The following DRC2 variants were observed in gnomAD, a reference collection of about 807,000 sequenced individuals.
DRC2 encodes coiled-coil domain containing 65.
At chr12:48,910,754 T>C in the DRC2 span, among the ~76,000 whole-genome samples, 1 of 152,214 alleles carries the variant, frequency 6.6e-6, no homozygotes, top group African/African-American at 2.4e-5. Context: ...CTTAATAATA[T>C]ATCTTGGAGG....
At chr12:48,917,179 A>G in the DRC2 span, 1 of 1,566,858 alleles carries the variant, frequency 6.4e-7, no homozygotes, top group African/African-American at 1.4e-5. Context: ...GGCTGGGCAC[A>G]GTGGCTCACA....
chr12:48,908,604 A>G, the DRC2 span, among the ~76,000 whole-genome samples: 1 of 110,966 alleles, frequency 9.0e-6, no homozygotes, highest in Admixed American at 8.3e-5. Flanking sequence ...TATTATTATT[A>G]TTATTTATTT....
chr12:48,906,845 C>T, the DRC2 span, among the ~76,000 whole-genome samples: 4 of 151,702 alleles, frequency 2.6e-5, no homozygotes, highest in African/African-American at 9.7e-5. Flanking sequence ...GGATTACAGA[C>T]GTTAGCCACC....
chr12:48,918,300 G>A, the DRC2 span: 2 of 1,614,156 alleles, frequency 1.2e-6, no homozygotes, highest in Non-Finnish European at 1.7e-6. Flanking sequence ...CACTTTCTAA[G>A]ACTGCACCTG....
chr12:48,912,429 C>A, the DRC2 span, among the ~76,000 whole-genome samples: 13 of 29,786 alleles, frequency 4.4e-4, no homozygotes, highest in Admixed American at 2.2e-3. Flanking sequence ...CAGAGCGAGA[C>A]GCCGTCTCAA....
At chr12:48,919,724 G>A in the DRC2 span, among the ~76,000 whole-genome samples, 8 of 151,708 alleles carry the variant, frequency 5.3e-5, no homozygotes, top group Non-Finnish European at 1.2e-4. Flanking sequence ...CACCATGTTG[G>A]CCAGGACGTT....
the DRC2 span, among the ~76,000 whole-genome samples, chr12:48,913,925 CTTT>C: frequency 5.2e-5 from 5 of 96,000 alleles, no homozygotes; most frequent in African/African-American, 4.0e-5. Context: ...CGTGCCCAGT[CTTT>C]TTTTTTTTTT....
chr12:48,919,834 G>C, the DRC2 span, among the ~76,000 whole-genome samples: 1 of 150,948 alleles, frequency 6.6e-6, no homozygotes, highest in Non-Finnish European at 1.5e-5. Context: ...AAATTGAAAT[G>C]AATTGGCCAG....
the DRC2 span, among the ~76,000 whole-genome samples, chr12:48,904,725 C>T: frequency 6.6e-6 from 1 of 152,196 alleles, no homozygotes; most frequent in Admixed American, 6.5e-5. Context: ...GCTGTTCCAG[C>T]TGTCTGGAAT....
At chr12:48,915,768 G>A in the DRC2 span, among the ~76,000 whole-genome samples, 5 of 150,744 alleles carry the variant, frequency 3.3e-5, no homozygotes, top group Non-Finnish European at 4.4e-5. Context: ...GCGGCTGGCC[G>A]GGCGGGGGGC....
the DRC2 span, chr12:48,914,657 G>A: frequency 7.6e-7 from 1 of 1,319,044 alleles, no homozygotes; most frequent in East Asian, 2.4e-5. Context: ...TAAGCAAGTG[G>A]CTAGTATCTT....
the DRC2 span, among the ~76,000 whole-genome samples, chr12:48,915,378 C>T: frequency 0.89 from 122,834 of 137,258 alleles, 56,108 homozygotes; most frequent in East Asian, 1. Flanking sequence ...CCTTAATCCA[C>T]TTAACTCTGA....
chr12:48,921,336 C>T, the DRC2 span: 1 of 1,614,038 alleles, frequency 6.2e-7, no homozygotes, highest in Non-Finnish European at 8.5e-7. Flanking sequence ...TGACGAAGTG[C>T]TGAGCCAGCT....
chr12:48,913,925 C>A, the DRC2 span, among the ~76,000 whole-genome samples: 1 of 96,002 alleles, frequency 1.0e-5, no homozygotes, highest in Non-Finnish European at 2.0e-5. Context: ...CGTGCCCAGT[C>A]TTTTTTTTTT....
the DRC2 span, among the ~76,000 whole-genome samples, chr12:48,909,667 G>A: frequency 8.6e-4 from 130 of 151,986 alleles, no homozygotes; most frequent in East Asian, 5.8e-4. Context: ...TAGTAGATAC[G>A]GGGTTTCGCC....
the DRC2 span, chr12:48,918,655 G>C: frequency 6.2e-7 from 1 of 1,606,204 alleles, no homozygotes; most frequent in South Asian, 1.1e-5. Flanking sequence ...TGGTCAAGTA[G>C]ATTTCCCCTA....
At chr12:48,910,180 A>G in the DRC2 span, among the ~76,000 whole-genome samples, 1 of 152,168 alleles carries the variant, frequency 6.6e-6, no homozygotes, top group South Asian at 2.1e-4. Flanking sequence ...TCAGTCCTTT[A>G]TATCTCATTG....
At chr12:48,921,188 A>T in the DRC2 span, 1 of 1,614,050 alleles carries the variant, frequency 6.2e-7, no homozygotes, top group Non-Finnish European at 8.5e-7. Flanking sequence ...ACTACATAGG[A>T]ATGGAGAATT....
At chr12:48,917,379 G>A in the DRC2 span, among the ~76,000 whole-genome samples, 49,070 of 150,416 alleles carry the variant, frequency 0.33, 9,018 homozygotes, top group Admixed American at 0.48. Flanking sequence ...TAGGATGATC[G>A]CTTGAGCCCA....
Sources: allele counts gnomAD v4.1 joint callset (sites outside exome capture counted in the v4.1 genomes callset), GRCh38; gene constraint gnomAD v4.1.1; transcripts MANE v1.5; gene names NCBI Gene and HGNC (gene_info 2026-07-23, HGNC 2026-07-21).